NBDY: variants seen among roughly 807,000 people sequenced by gnomAD.
NBDY encodes negative regulator of P-body association.
Position 56,729,335 on chromosome X carries a change from A to G in NBDY, c.-19A>G. 3.4e-6 allele frequency: 1 copy of G among 295,881 alleles called. No individual in the cohort carries two copies. Among genetic ancestry groups the G allele is most frequent in the Non-Finnish European group, 5.9e-6 (1 of 169,702 alleles). The allele number at this position is 295,881 out of a possible 1,213,427, so 24.4% of individuals were successfully genotyped here. On this transcript the variant is annotated 5_prime_UTR_variant, in exon 1 of 3. Transcript: ENST00000374922. Reference sequence around the variant, plus strand: ...CAGGGCCCACCGGAGAAAACTGACGACCCGTTTCTGTAATCCTTATGGGAG... The same window carrying G: ...CAGGGCCCACCGGAGAAAACTGACGGCCCGTTTCTGTAATCCTTATGGGAG...
intron 2 of NBDY, among the ~76,000 whole-genome samples, chrX:56,784,666 G>A (rs1424388377): frequency 9.0e-6 from 1 of 111,391 alleles, no homozygotes; most frequent in Non-Finnish European, 1.9e-5. Flanking sequence ...GTGTTGGGTG[G>A]GATGGTGGTA....
At chrX:56,793,600 C>A (rs1400464858) in intron 2 of NBDY, among the ~76,000 whole-genome samples, 2 of 110,669 alleles carry the variant, frequency 1.8e-5, no homozygotes, top group Admixed American at 9.6e-5. Context: ...TGCCATCAAG[C>A]GGAAACTATT....
chrX:56,756,112 A>G (rs991054507), intron 2 of NBDY, among the ~76,000 whole-genome samples: 2 of 83,679 alleles, frequency 2.4e-5, no homozygotes, highest in African/African-American at 9.2e-5. Context: ...GGACACAGGA[A>G]GGGGAACATC....
chrX:56,796,406 TTTC>T (rs1159770562), intron 2 of NBDY, among the ~76,000 whole-genome samples: 1 of 112,455 alleles, frequency 8.9e-6, no homozygotes, highest in Non-Finnish European at 1.9e-5. Context: ...CCTTCACTTT[TTTC>T]TTCTTTACTC....
In NBDY at chrX:56,818,126, A is replaced by T. The variant is rs1361161287; in HGVS notation, c.*973A>T. 8.9e-6 allele frequency: 1 copy of T among 111,935 alleles called. No homozygotes were observed. Among genetic ancestry groups the T allele is most frequent in the Non-Finnish European group, 1.9e-5 (1 of 53,144 alleles). The allele number at this position is 111,935 out of a possible 1,213,427, so 9.2% of individuals were successfully genotyped here. A position where few individuals can be genotyped will look rare whatever the true frequency, so the allele number is the denominator to read the frequency against. On this transcript the variant is annotated 3_prime_UTR_variant, in exon 3 of 3. Coordinates refer to ENST00000374922, the MANE Select transcript of NBDY (RefSeq NM_001348129.2). ...ACTATAATAATTTCCAGGGATATAA[A>T]AAAATAAAGCTTCTACCTTTGAATT...
chrX:56,755,831 C>A (rs1386207071), intron 2 of NBDY, among the ~76,000 whole-genome samples: 1 of 107,889 alleles, frequency 9.3e-6, no homozygotes, highest in Non-Finnish European at 1.9e-5. Flanking sequence ...GCTATAAAGA[C>A]ACATGCACAC....
intron 2 of NBDY, among the ~76,000 whole-genome samples, chrX:56,793,553 G>C (rs2069775171): frequency 9.1e-6 from 1 of 110,388 alleles, no homozygotes; most frequent in African/African-American, 3.3e-5. Flanking sequence ...GCTTGGAGGG[G>C]CAGTTGAGGT....
At chrX:56,731,402 TAA>T (rs56304858) in intron 1 of NBDY, among the ~76,000 whole-genome samples, 8 of 71,250 alleles carry the variant, frequency 1.1e-4, no homozygotes, top group Admixed American at 3.3e-4. Flanking sequence ...CTACTAAAAG[TAA>T]AAAAAAAAAA....
At chrX:56,805,888 A>T (rs2069846620) in intron 2 of NBDY, among the ~76,000 whole-genome samples, 1 of 111,098 alleles carries the variant, frequency 9.0e-6, no homozygotes, top group African/African-American at 3.3e-5. Flanking sequence ...TGTTACATAG[A>T]TATAGACGTG....
chrX:56,815,094 G>A (rs1284615939), intron 2 of NBDY, among the ~76,000 whole-genome samples: 1 of 110,367 alleles, frequency 9.1e-6, no homozygotes, highest in Non-Finnish European at 1.9e-5. Context: ...ATATGACTTG[G>A]CTTAAATAGA....
intron 2 of NBDY, among the ~76,000 whole-genome samples, chrX:56,754,284 C>T (rs1352391366): frequency 9.0e-6 from 1 of 111,386 alleles, no homozygotes; most frequent in Non-Finnish European, 1.9e-5. Flanking sequence ...GACATGTAAA[C>T]AGAAGATCAA....
chrX:56,767,660 C>A (rs1486025611), intron 2 of NBDY, among the ~76,000 whole-genome samples: 1 of 113,486 alleles, frequency 8.8e-6, no homozygotes, highest in Non-Finnish European at 1.9e-5. Flanking sequence ...TGCTCCACTT[C>A]TCGCCTATCT....
rs1282113470 is a variant in NBDY, at chrX:56,729,268, C to G, written c.-86C>G. On this transcript the variant is annotated 5_prime_UTR_variant, in exon 1 of 3. Coordinates refer to ENST00000374922, the MANE Select transcript of NBDY (RefSeq NM_001348129.2). ...GAAACAGGAGGAAGCCAGCTCTGTG[C>G]CTGGAGGGGACTCGCCGCCATCTCA... 1 of 292,705 alleles carries G rather than the reference C, an allele frequency of 3.4e-6. No homozygotes were observed. The highest frequency in any genetic ancestry group is 5.9e-6 in the Non-Finnish European group (1 of 168,717). 24.1% of individuals were successfully genotyped at this position (292,705 alleles called of 1,213,427 possible).
chrX:56,795,473 G>T (rs2069787153), intron 2 of NBDY, among the ~76,000 whole-genome samples: 1 of 112,438 alleles, frequency 8.9e-6, no homozygotes, highest in South Asian at 3.7e-4. Context: ...CAGTGCCTGG[G>T]CAGCAGCTTG....
chrX:56,790,140 C>T (rs1447005660), intron 2 of NBDY, among the ~76,000 whole-genome samples: 1 of 112,576 alleles, frequency 8.9e-6, no homozygotes, highest in African/African-American at 3.2e-5. Context: ...GGCCATCATA[C>T]AGAGCCCATT....
At chrX:56,752,010 C>A (rs1411108279) in intron 2 of NBDY, among the ~76,000 whole-genome samples, 1 of 111,933 alleles carries the variant, frequency 8.9e-6, no homozygotes, top group Non-Finnish European at 1.9e-5. Flanking sequence ...CAGCTCCATC[C>A]ATATTGCTGC....
At chrX:56,742,707 A>G (rs1264891281) in intron 2 of NBDY, among the ~76,000 whole-genome samples, 1 of 111,743 alleles carries the variant, frequency 8.9e-6, no homozygotes, top group Admixed American at 9.5e-5. Context: ...TGAATTTATC[A>G]GTTCTTATAG....
rs1008482957 is a variant in NBDY, at chrX:56,818,511, C to G, written c.*1358C>G. The G allele has an allele frequency of 1.8e-5, 2 of 111,942 alleles. No homozygotes were observed. Among genetic ancestry groups the G allele is most frequent in the African/African-American group, 6.5e-5 (2 of 30,855 alleles). The allele number at this position is 111,942 out of a possible 1,213,427, so 9.2% of individuals were successfully genotyped here. A position where few individuals can be genotyped will look rare whatever the true frequency, so the allele number is the denominator to read the frequency against. On this transcript the variant is annotated 3_prime_UTR_variant, in exon 3 of 3. Coordinates refer to ENST00000374922, the MANE Select transcript of NBDY (RefSeq NM_001348129.2). ...AGAGTTTTAAAACTTCTGAGCCAGG[C>G]TGAACATCACAAACAGTAAACACAG... is the stretch of plus-strand genomic sequence containing the variant.
intron 2 of NBDY, among the ~76,000 whole-genome samples, chrX:56,733,328 A>C (rs780453332): frequency 9.1e-6 from 1 of 110,248 alleles, no homozygotes; most frequent in Non-Finnish European, 1.9e-5. Context: ...TTTTACATCT[A>C]TAGACTTTAT....
Sources: gnomAD v4.1 joint callset for allele counts (sites outside exome capture counted in the v4.1 genomes callset) on GRCh38, gnomAD v4.1.1 for gene constraint, MANE v1.5 for transcripts, NCBI Gene and HGNC (gene_info 2026-07-23, HGNC 2026-07-21) for gene names.